SPMIP2: variants seen among roughly 807,000 people sequenced by gnomAD.
SPMIP2 encodes the protein sperm microtubule inner protein 2.
At chr4:158,930,413 T>C in the SPMIP2 span, among the ~76,000 whole-genome samples, 7 of 152,064 alleles carry the variant, frequency 4.6e-5, no homozygotes, top group African/African-American at 1.7e-4. Flanking sequence ...TTCATCATGT[T>C]GCCAGGCTGG....
At chr4:158,996,440 CATAG>C in the SPMIP2 span, among the ~76,000 whole-genome samples, 2 of 152,134 alleles carry the variant, frequency 1.3e-5, no homozygotes, top group South Asian at 2.1e-4. Context: ...TCACCATTCA[CATAG>C]ATAGTCTCTA....
At chr4:159,012,247 A>G in the SPMIP2 span, among the ~76,000 whole-genome samples, 1 of 152,170 alleles carries the variant, frequency 6.6e-6, no homozygotes, top group Non-Finnish European at 1.5e-5. Context: ...CTATTAAAAC[A>G]AAATTTTAAG....
chr4:158,978,848 C>T, the SPMIP2 span, among the ~76,000 whole-genome samples: 6 of 152,120 alleles, frequency 3.9e-5, no homozygotes, highest in East Asian at 9.7e-4. Context: ...TACAGCACAC[C>T]GATGAGTCTT....
chr4:158,996,205 G>A, the SPMIP2 span, among the ~76,000 whole-genome samples: 5 of 152,174 alleles, frequency 3.3e-5, no homozygotes, highest in Admixed American at 3.3e-4. Context: ...GTCAAGTAGA[G>A]AAAGAAGGCA....
chr4:159,061,683 T>G, the SPMIP2 span, among the ~76,000 whole-genome samples: 7 of 152,114 alleles, frequency 4.6e-5, no homozygotes, highest in Admixed American at 4.6e-4. Flanking sequence ...TGGTGGCACA[T>G]GCCTGTAGTC....
the SPMIP2 span, among the ~76,000 whole-genome samples, chr4:159,016,790 A>C: frequency 2.6e-4 from 39 of 152,310 alleles, no homozygotes; most frequent in African/African-American, 7.9e-4. Flanking sequence ...CCACTGGAGA[A>C]GGGGGATAAA....
the SPMIP2 span, among the ~76,000 whole-genome samples, chr4:159,003,660 T>C: frequency 0.98 from 148,692 of 152,290 alleles, 72,675 homozygotes; most frequent in East Asian, 1. Flanking sequence ...GCCAAAGAGA[T>C]GAAAGAGATC....
At chr4:158,930,371 C>T in the SPMIP2 span, among the ~76,000 whole-genome samples, 1 of 152,020 alleles carries the variant, frequency 6.6e-6, no homozygotes, top group Admixed American at 6.6e-5. Context: ...CACGACTTTG[C>T]CTATTTTTTG....
the SPMIP2 span, among the ~76,000 whole-genome samples, chr4:159,020,850 C>T: frequency 7.2e-5 from 11 of 152,298 alleles, no homozygotes; most frequent in Non-Finnish European, 1.0e-4. Context: ...CAAGCTCCGC[C>T]TCCCGGGTTC....
chr4:158,931,917 A>C, the SPMIP2 span, among the ~76,000 whole-genome samples: 1 of 152,112 alleles, frequency 6.6e-6, no homozygotes, highest in Non-Finnish European at 1.5e-5. Context: ...TCTGCTTGAT[A>C]AAACATTATT....
chr4:159,016,061 A>T, the SPMIP2 span, among the ~76,000 whole-genome samples: 1 of 152,384 alleles, frequency 6.6e-6, no homozygotes, highest in South Asian at 2.1e-4. Flanking sequence ...AGGACTTACG[A>T]CAGACTGATG....
At chr4:158,940,780 G>A in the SPMIP2 span, among the ~76,000 whole-genome samples, 2 of 152,050 alleles carry the variant, frequency 1.3e-5, no homozygotes, top group Admixed American at 1.3e-4. Flanking sequence ...ATACATATGT[G>A]GATATGTATG....
the SPMIP2 span, chr4:158,908,081 T>C: frequency 6.6e-6 from 1 of 152,244 alleles, no homozygotes; most frequent in African/African-American, 2.4e-5. Context: ...CGATTTGTTA[T>C]ATTTAATAAA....
At chr4:158,910,934 T>C in the SPMIP2 span, among the ~76,000 whole-genome samples, 1 of 152,190 alleles carries the variant, frequency 6.6e-6, no homozygotes, top group Non-Finnish European at 1.5e-5. Flanking sequence ...CCCTGACTGA[T>C]ACAGATACTT....
At chr4:158,995,990 T>A in the SPMIP2 span, among the ~76,000 whole-genome samples, 1 of 152,192 alleles carries the variant, frequency 6.6e-6, no homozygotes, top group African/African-American at 2.4e-5. Context: ...TTCGTGACTA[T>A]GTGTCTTGTC....
chr4:159,041,505 G>A, the SPMIP2 span, among the ~76,000 whole-genome samples: 1 of 152,172 alleles, frequency 6.6e-6, no homozygotes, highest in African/African-American at 2.4e-5. Flanking sequence ...TGAGCTGTCT[G>A]ACACTGGAAG....
chr4:158,913,322 G>A, the SPMIP2 span, among the ~76,000 whole-genome samples: 10,575 of 152,068 alleles, frequency 0.07, 530 homozygotes, highest in Non-Finnish European at 0.1. Context: ...ACCTGTGATC[G>A]AGCAAGCCTC....
chr4:158,957,201 GCTTT>G, the SPMIP2 span, among the ~76,000 whole-genome samples: 3 of 152,052 alleles, frequency 2.0e-5, no homozygotes, highest in Non-Finnish European at 4.4e-5. Context: ...AGATCAGATT[GCTTT>G]CTATTTTAAA....
the SPMIP2 span, among the ~76,000 whole-genome samples, chr4:158,991,216 C>T: frequency 8.2e-5 from 11 of 134,922 alleles, no homozygotes; most frequent in Admixed American, 2.2e-4. Context: ...TGAGTGTAGA[C>T]GTGTATGGGC....
Sources: allele counts gnomAD v4.1 joint callset (sites outside exome capture counted in the v4.1 genomes callset), GRCh38; gene constraint gnomAD v4.1.1; transcripts MANE v1.5; gene names NCBI Gene and HGNC (gene_info 2026-07-23, HGNC 2026-07-21).